CDC42SE2: variants seen among roughly 807,000 people sequenced by gnomAD.
CDC42SE2 encodes the protein CDC42 small effector 2.
A neutral mutation model predicts 11.5 loss-of-function variants in CDC42SE2; 3 were observed. The ratio of observed to expected loss-of-function variants is 0.26; its 90% CI spans 0.12 to 0.67. CDC42SE2 has a LOEUF of 0.67. Ranked by LOEUF, CDC42SE2 falls within the 30% of genes least tolerant of loss-of-function variation. CDC42SE2 has a pLI of 0.80. For missense variants in CDC42SE2, 82 were observed against 106.8 expected (o/e 0.77, Z 1.02); for synonymous variants, 33 against 34.8 (o/e 0.95, Z 0.18).
At chr5:131,352,032 A>G (rs535481898) in intron 2 of CDC42SE2, among the ~76,000 whole-genome samples, 34 of 152,348 alleles carry the variant, frequency 2.2e-4, no homozygotes, top group African/African-American at 7.7e-4. Context: ...CAAGAAGCAC[A>G]TGAAAAGACT....
intron 2 of CDC42SE2, among the ~76,000 whole-genome samples, chr5:131,319,073 T>A (rs1758107365): frequency 6.6e-6 from 1 of 152,002 alleles, no homozygotes; most frequent in Non-Finnish European, 1.5e-5. Context: ...GGCCAAGTTT[T>A]TTTGTATTTT....
At chr5:131,365,445 G>C (rs910592822) in intron 3 of CDC42SE2, among the ~76,000 whole-genome samples, 2 of 152,152 alleles carry the variant, frequency 1.3e-5, no homozygotes, top group Non-Finnish European at 2.9e-5. Context: ...AAATATGATG[G>C]ATCTCCATAG....
At chr5:131,265,173 A>G (rs1364140700) in intron 1 of CDC42SE2, among the ~76,000 whole-genome samples, 1 of 152,150 alleles carries the variant, frequency 6.6e-6, no homozygotes, top group East Asian at 1.9e-4. Flanking sequence ...CTGTTGATGA[A>G]CAGTCCGTTC....
the CDC42SE2 span, among the ~76,000 whole-genome samples, chr5:131,215,386 A>G: frequency 1.3e-5 from 2 of 152,242 alleles, no homozygotes; most frequent in Non-Finnish European, 2.9e-5. Flanking sequence ...GAATTGGTTT[A>G]AAGAATAAAC....
intron 1 of CDC42SE2, among the ~76,000 whole-genome samples, chr5:131,269,476 A>C (rs1324290062): frequency 1.3e-5 from 2 of 152,302 alleles, no homozygotes; most frequent in East Asian, 3.9e-4. Flanking sequence ...GTACTAAAAC[A>C]TAAAATTATT....
intron 4 of CDC42SE2, among the ~76,000 whole-genome samples, chr5:131,386,164 C>A (rs1048843998): frequency 6.6e-6 from 1 of 152,226 alleles, no homozygotes; most frequent in African/African-American, 2.4e-5. Context: ...TGTTCTACCA[C>A]AGTTCATCAG....
upstream of CDC42SE2, among the ~76,000 whole-genome samples, chr5:131,243,006 A>G (rs953687039): frequency 3.3e-5 from 5 of 152,208 alleles, no homozygotes; most frequent in Non-Finnish European, 7.3e-5. Context: ...AGAACTGTTG[A>G]GAACTTCCTG....
intron 2 of CDC42SE2, among the ~76,000 whole-genome samples, chr5:131,346,013 A>G (rs1580769188): frequency 6.6e-6 from 1 of 152,212 alleles, no homozygotes; most frequent in East Asian, 1.9e-4. Flanking sequence ...TCAACATGGA[A>G]AGGAGCAACT....
intron 1 of CDC42SE2, among the ~76,000 whole-genome samples, chr5:131,295,685 T>C (rs543869085): frequency 7.1e-6 from 1 of 140,380 alleles, no homozygotes; most frequent in South Asian, 2.3e-4. Context: ...GGTGAAACAC[T>C]TTTTTTTTTT....
intron 2 of CDC42SE2, among the ~76,000 whole-genome samples, chr5:131,340,825 G>T (rs1758694848): frequency 6.6e-6 from 1 of 152,002 alleles, no homozygotes; most frequent in Admixed American, 6.6e-5. Context: ...TTACAGGCAT[G>T]TACCACCATG....
chr5:131,374,140 C>A (rs1750084147), intron 3 of CDC42SE2, among the ~76,000 whole-genome samples: 1 of 151,962 alleles, frequency 6.6e-6, no homozygotes, highest in Non-Finnish European at 1.5e-5. Flanking sequence ...AAACAAAAAA[C>A]AGTAGTCTCT....
chr5:131,239,983 T>C, the CDC42SE2 span, among the ~76,000 whole-genome samples: 36 of 152,348 alleles, frequency 2.4e-4, no homozygotes, highest in African/African-American at 8.7e-4. Flanking sequence ...AGACTATATT[T>C]TATGTTCTCC....
chr5:131,319,790 G>A (rs775486837), intron 2 of CDC42SE2, among the ~76,000 whole-genome samples: 22 of 152,026 alleles, frequency 1.4e-4, no homozygotes, highest in African/African-American at 7.2e-5. Context: ...GGTGGCTCAC[G>A]CCTGTAATCC....
At chr5:131,339,081 A>G (rs768384939) in intron 2 of CDC42SE2, among the ~76,000 whole-genome samples, 12 of 151,828 alleles carry the variant, frequency 7.9e-5, no homozygotes, top group Non-Finnish European at 1.3e-4. Flanking sequence ...CCCCGTCTCT[A>G]CTAAAAATAG....
rs533492695 is a variant in CDC42SE2 at position 131,365,753 on chromosome 5, C to T, written c.54+6206C>T. 2.7e-3 allele frequency among the ~76,000 whole-genome samples: 411 copies of T among 152,254 alleles called. 2 individuals are homozygous for T. Among genetic ancestry groups the T allele is most frequent in the Non-Finnish European group, 3.1e-3 (209 of 68,002 alleles). On this transcript the variant is annotated intron_variant, in intron 3 of 4. Transcript: ENST00000505065. ...TCCCCAGCACTTTGGGAGGCCAAGG[C>T]GGGCGGATCACGAGGTCAGAAGATC...
At chr5:131,372,019 T>G (rs1213303243) in intron 3 of CDC42SE2, among the ~76,000 whole-genome samples, 1 of 152,214 alleles carries the variant, frequency 6.6e-6, no homozygotes, top group Non-Finnish European at 1.5e-5. Flanking sequence ...TTGTTTTGTT[T>G]TGGTTTTGGT....
chr5:131,325,849 C>T (rs1392176018), intron 2 of CDC42SE2, among the ~76,000 whole-genome samples: 1 of 152,126 alleles, frequency 6.6e-6, no homozygotes, highest in Non-Finnish European at 1.5e-5. Context: ...CTACATACTG[C>T]TTCTTCTATT....
At chr5:131,302,779 A>G (rs1415268278) in intron 1 of CDC42SE2, among the ~76,000 whole-genome samples, 1 of 151,236 alleles carries the variant, frequency 6.6e-6, no homozygotes, top group African/African-American at 2.4e-5. Flanking sequence ...TGGTTGTATC[A>G]TTATGACTTA....
rs193028673 is a variant in CDC42SE2, at chr5:131,272,745, G to A, written c.-455+8579G>A. 6.2e-4 allele frequency among the ~76,000 whole-genome samples: 95 copies of A among 152,176 alleles called. 1 individual carries two copies. The highest frequency in any genetic ancestry group is 3.4e-3 in the Middle Eastern group (1 of 294). On this transcript the variant is annotated intron_variant, in intron 1 of 4. Coordinates refer to ENST00000505065, the MANE Select transcript of CDC42SE2 (RefSeq NM_001375635.1). Reference sequence around the variant, plus strand: ...CCTTTAGTTACTCCTCTCCAAAAAGGTAAATATTTGTTGTCATCCGCGCTC... The same window carrying A: ...CCTTTAGTTACTCCTCTCCAAAAAGATAAATATTTGTTGTCATCCGCGCTC...
Sources: allele counts gnomAD v4.1 joint callset (sites outside exome capture counted in the v4.1 genomes callset), GRCh38; gene constraint gnomAD v4.1.1; transcripts MANE v1.5; gene names NCBI Gene and HGNC (gene_info 2026-07-23, HGNC 2026-07-21).